The following HECW2 variants were observed in gnomAD, a reference collection of about 807,000 sequenced individuals.
HECW2 encodes the protein E3 ubiquitin-protein ligase HECW2.
HECW2 carries 61 observed loss-of-function variants against 175.2 expected under a neutral mutation model. The ratio of observed to expected loss-of-function variants is 0.35; its 90% CI spans 0.28 to 0.43. HECW2 has a LOEUF of 0.43. HECW2 is among the 20% of genes least tolerant of loss of function. The pLI, the probability that HECW2 is intolerant of heterozygous loss-of-function variation, is 1.00. For missense variants in HECW2, 1,524 were observed against 2,000.5 expected (o/e 0.76, Z 4.54); for synonymous variants, 671 against 731.0 (o/e 0.92, Z 1.32).
intron 1 of HECW2, among the ~76,000 whole-genome samples, chr2:196,466,333 C>T (rs1229917859): frequency 2.0e-5 from 3 of 152,208 alleles, no homozygotes; most frequent in African/African-American, 7.2e-5. Flanking sequence ...ATTTACACTT[C>T]AATGACTTTC....
At chr2:196,303,022 C>T (rs1559023959) in intron 13 of HECW2, among the ~76,000 whole-genome samples, 1 of 152,294 alleles carries the variant, frequency 6.6e-6, no homozygotes, top group East Asian at 1.9e-4. Context: ...CCAGCTTTTG[C>T]CCATTCAGCA....
At position 196,322,560 on chromosome 2, in the gene HECW2, C is replaced by T; in HGVS notation, c.802G>A (p.Ala268Thr). 1 of 1,613,688 alleles carries T rather than the reference C, an allele frequency of 6.2e-7. No individual in the cohort carries two copies. Among genetic ancestry groups the T allele is most frequent in the Non-Finnish European group, 8.5e-7 (1 of 1,179,710 alleles). The change falls in exon 7 of 29, where the codon GCC becomes ACC. Residue 268 changes from alanine to threonine, a missense_variant. By Grantham distance (58) the Ala-to-Thr change is moderately conservative. This residue lies in a region of HECW2 where 95 missense variants were observed against 136.8 expected (regional missense o/e 0.69). Transcript: ENST00000644978. ...CGCTTGATGATGGGACGGCTCTTGG[C>T]AAATTTGTCTTTAATTTCAATTTCT... ...VLEIEIKDKF[A>T]KSRPIIKRFL...
At chr2:196,501,010 C>T (rs1213501365) in intron 1 of HECW2, among the ~76,000 whole-genome samples, 2 of 152,190 alleles carry the variant, frequency 1.3e-5, no homozygotes, top group Non-Finnish European at 2.9e-5. Context: ...TTAAGACTTA[C>T]TTAATTCTTA....
At chr2:196,591,438 T>G (rs1355629471) in intron 1 of HECW2, among the ~76,000 whole-genome samples, 3 of 152,194 alleles carry the variant, frequency 2.0e-5, no homozygotes, top group Non-Finnish European at 2.9e-5. Context: ...TATTTTTAAG[T>G]TCAAAGACAT....
chr2:196,515,379 T>A (rs944487919), intron 1 of HECW2, among the ~76,000 whole-genome samples: 1 of 152,136 alleles, frequency 6.6e-6, no homozygotes, highest in Non-Finnish European at 1.5e-5. Context: ...CAAACAAAAC[T>A]CAGGCAGAAG....
At chr2:196,586,258 A>G (rs1327430334) in intron 1 of HECW2, among the ~76,000 whole-genome samples, 2 of 152,186 alleles carry the variant, frequency 1.3e-5, no homozygotes, top group East Asian at 1.9e-4. Context: ...TTATTTGTTA[A>G]TAATTCTCCC....
At chr2:196,387,384 G>A (rs1462793952) in intron 2 of HECW2, among the ~76,000 whole-genome samples, 2 of 152,108 alleles carry the variant, frequency 1.3e-5, no homozygotes, top group African/African-American at 2.4e-5. Context: ...TTATAAAAGA[G>A]AGAGCTTGTT....
intron 1 of HECW2, among the ~76,000 whole-genome samples, chr2:196,480,365 C>T (rs977996607): frequency 1.3e-5 from 2 of 152,200 alleles, no homozygotes; most frequent in Non-Finnish European, 2.9e-5. Flanking sequence ...TTGTTTGCCA[C>T]GTGGTGAGAC....
chr2:196,314,768 C>A (rs1691626591), intron 10 of HECW2, among the ~76,000 whole-genome samples: 1 of 152,156 alleles, frequency 6.6e-6, no homozygotes, highest in African/African-American at 2.4e-5. Flanking sequence ...TTAAAAATCA[C>A]AACTGTTAGC....
intron 2 of HECW2, among the ~76,000 whole-genome samples, chr2:196,402,445 T>C (rs529208902): frequency 6.6e-6 from 1 of 152,244 alleles, no homozygotes; most frequent in East Asian, 1.9e-4. Context: ...TCTGAGCCAT[T>C]AATAGTGTGC....
At chr2:196,336,417 G>T (rs148699520) in intron 3 of HECW2, among the ~76,000 whole-genome samples, 221 of 152,294 alleles carry the variant, frequency 1.5e-3, no homozygotes, top group Middle Eastern at 3.4e-3. Context: ...CTGGACATGA[G>T]CTCATTGGTA....
At chr2:196,538,694 C>A (rs1689102690) in intron 1 of HECW2, among the ~76,000 whole-genome samples, 1 of 152,162 alleles carries the variant, frequency 6.6e-6, no homozygotes. Context: ...CTATAACAGT[C>A]TCATGAGCTA....
intron 2 of HECW2, among the ~76,000 whole-genome samples, chr2:196,366,147 G>C (rs1287595005): frequency 6.6e-6 from 1 of 152,138 alleles, no homozygotes; most frequent in Non-Finnish European, 1.5e-5. Context: ...GAGAATTCCA[G>C]GAACTTGATC....
At chr2:196,523,410 G>A (rs1438025575) in intron 1 of HECW2, among the ~76,000 whole-genome samples, 1 of 152,030 alleles carries the variant, frequency 6.6e-6, no homozygotes, top group Non-Finnish European at 1.5e-5. Context: ...ATACAATCAT[G>A]CCGTCTGCAA....
chr2:196,437,170 GA>G (rs202139183), intron 1 of HECW2, among the ~76,000 whole-genome samples: 2 of 149,564 alleles, frequency 1.3e-5, no homozygotes, highest in Non-Finnish European at 1.5e-5. Flanking sequence ...TAAAGAATTA[GA>G]AAAAAAAAGA....
intron 2 of HECW2, among the ~76,000 whole-genome samples, chr2:196,414,088 C>T (rs1695189635): frequency 2.0e-5 from 3 of 152,344 alleles, no homozygotes; most frequent in South Asian, 4.1e-4. Context: ...CTGATTTTCT[C>T]TTCTTTGCTG....
intron 1 of HECW2, among the ~76,000 whole-genome samples, chr2:196,568,804 G>C (rs896674461): frequency 6.6e-6 from 1 of 152,116 alleles, no homozygotes; most frequent in Non-Finnish European, 1.5e-5. Context: ...AACAAGTATA[G>C]ATACTCCAGG....
chr2:196,409,179 C>T (rs1695042326), intron 2 of HECW2, among the ~76,000 whole-genome samples: 1 of 152,110 alleles, frequency 6.6e-6, no homozygotes, highest in Non-Finnish European at 1.5e-5. Flanking sequence ...GCTAGAAAGG[C>T]TCTGGGCTCT....
Position 196,318,537 on chromosome 2 carries a change from G to T in HECW2, c.2338+15C>A. On this transcript the variant is annotated intron_variant, in intron 9 of 28. Coordinates refer to ENST00000644978, the MANE Select transcript of HECW2 (RefSeq NM_001348768.2). ...TACGCTCGAGCCAAGAGCCACAGTGGTGTCCATATCCTACCTCCAGTAGCG... is the reference window on the plus strand; with the variant it reads ...TACGCTCGAGCCAAGAGCCACAGTGTTGTCCATATCCTACCTCCAGTAGCG... 2.0e-6 allele frequency: 3 copies of T among 1,479,238 alleles called. No homozygotes were observed. Among genetic ancestry groups the T allele is most frequent in the Non-Finnish European group, 2.7e-6 (3 of 1,113,820 alleles). The allele number at this position is 1,479,238 out of a possible 1,614,324, so 91.6% of individuals were successfully genotyped here.
Sources: allele counts gnomAD v4.1 joint callset (sites outside exome capture counted in the v4.1 genomes callset), GRCh38; gene constraint gnomAD v4.1.1; regional missense constraint gnomAD v4.1.1; transcripts MANE v1.5; gene names NCBI Gene and HGNC (gene_info 2026-07-23, HGNC 2026-07-21).